The following TRAPPC3L variants were observed in gnomAD, a reference collection of about 807,000 sequenced individuals.
TRAPPC3L encodes the protein trafficking protein particle complex subunit 3L.
A neutral mutation model predicts 23.7 loss-of-function variants in TRAPPC3L; 23 were observed. The ratio of observed to expected loss-of-function variants is 0.97; its 90% CI spans 0.70 to 1.37. The LOEUF is 1.37. TRAPPC3L is among the 40% of genes most tolerant of loss of function. TRAPPC3L has a pLI of 0.00. For synonymous variants in TRAPPC3L, 81 were observed against 77.9 expected (o/e 1.04, Z -0.21); for missense variants, 212 against 216.8 (o/e 0.98, Z 0.14).
At chr6:116,514,456 T>C (rs1236789251) in intron 3 of TRAPPC3L, among the ~76,000 whole-genome samples, 3 of 152,238 alleles carry the variant, frequency 2.0e-5, no homozygotes, top group Non-Finnish European at 1.5e-5. Context: ...CATAAGTGTA[T>C]ATATATTTGA....
intron 2 of TRAPPC3L, among the ~76,000 whole-genome samples, chr6:116,541,275 T>A (rs1389810624): frequency 6.6e-6 from 1 of 152,218 alleles, no homozygotes; most frequent in African/African-American, 2.4e-5. Flanking sequence ...CTCTATCTTA[T>A]AAGAACTTGC....
chr6:116,525,689 A>T (rs1232371133), intron 3 of TRAPPC3L, among the ~76,000 whole-genome samples: 1 of 152,238 alleles, frequency 6.6e-6, no homozygotes, highest in Non-Finnish European at 1.5e-5. Flanking sequence ...TACTTCACCT[A>T]ATCACATTCA....
chr6:116,508,276 A>T (rs540824001), intron 3 of TRAPPC3L, among the ~76,000 whole-genome samples: 12 of 152,284 alleles, frequency 7.9e-5, no homozygotes, highest in African/African-American at 2.9e-4. Flanking sequence ...TAGAATGGGC[A>T]TCTATTGACT....
intron 3 of TRAPPC3L, among the ~76,000 whole-genome samples, chr6:116,509,091 T>TAAAAA (rs56112495): frequency 7.8e-6 from 1 of 128,044 alleles, no homozygotes; most frequent in Non-Finnish European, 1.6e-5. Context: ...ATAAGAGTTG[T>TAAAAA]AAAAAAAAAA....
chr6:116,527,519 C>CAAAAAAAAAAA (rs34686241), intron 3 of TRAPPC3L, among the ~76,000 whole-genome samples: 5 of 112,380 alleles, frequency 4.4e-5, no homozygotes, highest in African/African-American at 6.7e-5. Flanking sequence ...CGTCTCAAAA[C>CAAAAAAAAAAA]AAAAAAAAAA....
intron 4 of TRAPPC3L, among the ~76,000 whole-genome samples, chr6:116,497,687 G>A (rs931252049): frequency 3.3e-5 from 5 of 152,114 alleles, no homozygotes; most frequent in African/African-American, 1.2e-4. Flanking sequence ...ACTGAAGTAA[G>A]CAGGGCTTAC....
chr6:116,515,647 C>T (rs1001120923), intron 3 of TRAPPC3L: 19 of 1,613,812 alleles, frequency 1.2e-5, no homozygotes, highest in African/African-American at 9.3e-5. Context: ...TCTCTCTGCT[C>T]ACCACATGTT....
chr6:116,536,073 T>C (rs904441433), intron 3 of TRAPPC3L, among the ~76,000 whole-genome samples: 1 of 152,336 alleles, frequency 6.6e-6, no homozygotes, highest in African/African-American at 2.4e-5. Flanking sequence ...ATAATGCTGT[T>C]GACTTACAAA....
chr6:116,528,084 G>A (rs1363995903), intron 3 of TRAPPC3L, among the ~76,000 whole-genome samples: 5 of 152,222 alleles, frequency 3.3e-5, no homozygotes, highest in Non-Finnish European at 7.3e-5. Flanking sequence ...TCATAAGGAA[G>A]GTGAGAGGCA....
intron 3 of TRAPPC3L, among the ~76,000 whole-genome samples, chr6:116,506,613 C>A (rs886542442): frequency 6.6e-6 from 1 of 152,120 alleles, no homozygotes; most frequent in Non-Finnish European, 1.5e-5. Context: ...TGGAACCAAC[C>A]CAAACGTCCA....
intron 3 of TRAPPC3L, among the ~76,000 whole-genome samples, chr6:116,501,725 G>A (rs750770668): frequency 1.3e-4 from 20 of 152,318 alleles, no homozygotes; most frequent in Non-Finnish European, 1.8e-4. Flanking sequence ...TGATACCCAG[G>A]CAAACAGAGT....
intron 3 of TRAPPC3L, chr6:116,511,723 AT>A: frequency 6.2e-7 from 1 of 1,613,700 alleles, no homozygotes; most frequent in Non-Finnish European, 8.5e-7. Flanking sequence ...GCATTTTAAA[AT>A]TCTTCCTTAA....
chr6:116,511,764 T>G (rs1434210499), intron 3 of TRAPPC3L: 1 of 1,613,984 alleles, frequency 6.2e-7, no homozygotes. Context: ...TACAGCTTCA[T>G]GGCTCTGCTG....
intron 3 of TRAPPC3L, among the ~76,000 whole-genome samples, chr6:116,536,717 C>T (rs910438773): frequency 2.6e-5 from 4 of 152,164 alleles, no homozygotes; most frequent in East Asian, 1.9e-4. Context: ...TGATGGTGTT[C>T]GGTAGAAGTG....
chr6:116,510,907 G>C (rs1335805151), intron 3 of TRAPPC3L, among the ~76,000 whole-genome samples: 1 of 151,608 alleles, frequency 6.6e-6, no homozygotes, highest in African/African-American at 2.4e-5. Flanking sequence ...GAAGTAACTC[G>C]GAAATAGAAA....
At chr6:116,500,412 T>C in intron 4 of TRAPPC3L, 69 bp downstream of exon 4, 1 of 1,347,976 alleles carries the variant, frequency 7.4e-7, no homozygotes, top group East Asian at 2.5e-5. Context: ...TTATGTATAT[T>C]GGTTATCTTA....
chr6:116,543,596 GGA>G (rs1223491836), intron 1 of TRAPPC3L, among the ~76,000 whole-genome samples, 196 bp from the exon 2 acceptor site: 2 of 152,150 alleles, frequency 1.3e-5, no homozygotes, highest in African/African-American at 4.8e-5. Flanking sequence ...GTGAGGTGGG[GGA>G]GAGAGAGCTG....
chr6:116,527,598 T>C (rs1772483833), intron 3 of TRAPPC3L, among the ~76,000 whole-genome samples: 2 of 151,774 alleles, frequency 1.3e-5, no homozygotes, highest in African/African-American at 2.4e-5. Flanking sequence ...ATCTGTCTCA[T>C]GTCAATTTAA....
At chr6:116,540,970 T>A (rs1773413865) in intron 2 of TRAPPC3L, among the ~76,000 whole-genome samples, 1 of 152,096 alleles carries the variant, frequency 6.6e-6, no homozygotes, top group African/African-American at 2.4e-5. Context: ...TTGTTGCCAG[T>A]GAGAGTTTCG....
Sources: allele counts gnomAD v4.1 joint callset (sites outside exome capture counted in the v4.1 genomes callset), GRCh38; gene constraint gnomAD v4.1.1; transcripts MANE v1.5; gene names NCBI Gene and HGNC (gene_info 2026-07-23, HGNC 2026-07-21).